Variants in INVS observed in about 807,000 individuals in gnomAD.
The protein encoded by INVS is inversion of embryo turning homolog.
Under a neutral mutation model 108.8 loss-of-function variants are expected in INVS, and 86 were observed. That is an observed-to-expected ratio of 0.79 (90% CI 0.66 to 0.95). INVS has a LOEUF of 0.95. Among genes scored for constraint, INVS ranks in the 40% least tolerant of loss-of-function variants. INVS has a pLI of 0.00. For synonymous variants in INVS, 455 were observed against 473.5 expected (o/e 0.96, Z 0.51); for missense variants, 1,169 against 1,297.4 (o/e 0.90, Z 1.52).
chr9:100,104,937 C>G (rs1304286782), intron 2 of INVS, among the ~76,000 whole-genome samples: 1 of 152,048 alleles, frequency 6.6e-6, no homozygotes, highest in East Asian at 1.9e-4. Context: ...AGTGGATAAT[C>G]TTTTAACATT....
intron 13 of INVS, among the ~76,000 whole-genome samples, chr9:100,287,533 C>G (rs1833485450): frequency 6.6e-6 from 1 of 152,198 alleles, no homozygotes; most frequent in Non-Finnish European, 1.5e-5. Context: ...GTGTCCCCAC[C>G]CAAATTCCCA....
intron 3 of INVS, among the ~76,000 whole-genome samples, chr9:100,190,543 G>A (rs1183551407): frequency 6.6e-6 from 1 of 152,092 alleles, no homozygotes; most frequent in African/African-American, 2.4e-5. Flanking sequence ...AGTATTTCTT[G>A]TAGAGCTGGT....
At chr9:100,237,041 T>C (rs1490862876) in intron 5 of INVS, among the ~76,000 whole-genome samples, 1 of 152,214 alleles carries the variant, frequency 6.6e-6, no homozygotes. Context: ...TGCCTTTCTT[T>C]CAGAGATGCC....
At chr9:100,250,634 G>T (rs143147333) in intron 8 of INVS, among the ~76,000 whole-genome samples, 13 of 152,242 alleles carry the variant, frequency 8.5e-5, no homozygotes, top group African/African-American at 3.1e-4. Flanking sequence ...TCCAAAATGT[G>T]TTCTAAATCA....
At chr9:100,190,495 C>T (rs181529139) in intron 3 of INVS, among the ~76,000 whole-genome samples, 1 of 152,194 alleles carries the variant, frequency 6.6e-6, no homozygotes, top group East Asian at 1.9e-4. Flanking sequence ...TATTCTGGTG[C>T]ATATTGACCT....
chr9:100,105,850 C>CTTTTTTTTT (rs543070811), intron 2 of INVS, among the ~76,000 whole-genome samples: 23 of 63,832 alleles, frequency 3.6e-4, no homozygotes, highest in East Asian at 1.5e-3. Flanking sequence ...GAAAAATTCC[C>CTTTTTTTTT]TTTTTTTTTT....
intron 2 of INVS, among the ~76,000 whole-genome samples, chr9:100,106,527 A>G (rs1827188000): frequency 6.6e-6 from 1 of 152,170 alleles, no homozygotes; most frequent in Non-Finnish European, 1.5e-5. Context: ...TGACTTGAAT[A>G]AGATAGAAGT....
At chr9:100,253,382 T>G (rs891460340) in intron 10 of INVS, among the ~76,000 whole-genome samples, 1 of 151,728 alleles carries the variant, frequency 6.6e-6, no homozygotes, top group African/African-American at 2.4e-5. Context: ...GGCATACACA[T>G]GTATGCATCT....
At chr9:100,138,971 G>A (rs182711262) in intron 3 of INVS, among the ~76,000 whole-genome samples, 223 of 152,222 alleles carry the variant, frequency 1.5e-3, no homozygotes, top group African/African-American at 5.2e-3. Context: ...CTCCCAAAGT[G>A]CTGGGATTAC....
At chr9:100,255,727 T>C (rs1012213535) in intron 10 of INVS, among the ~76,000 whole-genome samples, 11 of 152,176 alleles carry the variant, frequency 7.2e-5, no homozygotes, top group Non-Finnish European at 1.3e-4. Flanking sequence ...TATTGATTTG[T>C]GTATGTTGAA....
At chr9:100,216,757 T>A (rs1341806083) in intron 3 of INVS, among the ~76,000 whole-genome samples, 1 of 152,202 alleles carries the variant, frequency 6.6e-6, no homozygotes. Flanking sequence ...TCTTTCAGCT[T>A]GCTGCCCCCG....
chr9:100,216,255 GC>G (rs1830982862), intron 3 of INVS, among the ~76,000 whole-genome samples: 1 of 152,140 alleles, frequency 6.6e-6, no homozygotes, highest in Non-Finnish European at 1.5e-5. Flanking sequence ...TAAAAATACG[GC>G]TAGTCTTTGG....
chr9:100,221,530 T>G (rs1831150128), intron 3 of INVS, among the ~76,000 whole-genome samples: 1 of 152,152 alleles, frequency 6.6e-6, no homozygotes, highest in African/African-American at 2.4e-5. Context: ...TTGTTTCTAG[T>G]CCAGCCTTCA....
chr9:100,191,633 C>A (rs151063054), intron 3 of INVS, among the ~76,000 whole-genome samples: 1 of 152,204 alleles, frequency 6.6e-6, no homozygotes, highest in Non-Finnish European at 1.5e-5. Context: ...TCTCTTGCAT[C>A]TCCTTGAGTA....
intron 10 of INVS, among the ~76,000 whole-genome samples, chr9:100,263,532 C>G (rs1832694567): frequency 6.6e-6 from 1 of 152,188 alleles, no homozygotes; most frequent in South Asian, 2.1e-4. Context: ...CTTACACTCA[C>G]CCTCCTGACT....
chr9:100,133,407 A>G (rs1180910121), intron 3 of INVS, among the ~76,000 whole-genome samples: 2 of 151,814 alleles, frequency 1.3e-5, no homozygotes, highest in African/African-American at 4.8e-5. Context: ...ATTATTTTGC[A>G]TCTTTAAATT....
At chr9:100,177,749 A>T (rs1050040663) in intron 3 of INVS, among the ~76,000 whole-genome samples, 19 of 152,330 alleles carry the variant, frequency 1.2e-4, no homozygotes, top group Admixed American at 1.2e-3. Context: ...AGAGCAGCAG[A>T]TCTCCCAACA....
At chr9:100,293,962 A>T (rs1298489812) in intron 14 of INVS, among the ~76,000 whole-genome samples, 2 of 152,162 alleles carry the variant, frequency 1.3e-5, no homozygotes, top group Non-Finnish European at 2.9e-5. Flanking sequence ...CAGGGTTATG[A>T]GACGAGACCA....
At chr9:100,124,654 T>C (rs10988977) in intron 2 of INVS, among the ~76,000 whole-genome samples, 3 of 151,912 alleles carry the variant, frequency 2.0e-5, no homozygotes, top group Non-Finnish European at 2.9e-5. Flanking sequence ...GTTTCATGAG[T>C]GTTCATAGTT....
Sources: allele counts gnomAD v4.1 joint callset (sites outside exome capture counted in the v4.1 genomes callset), GRCh38; gene constraint gnomAD v4.1.1; transcripts MANE v1.5; gene names NCBI Gene and HGNC (gene_info 2026-07-23, HGNC 2026-07-21).